The following SLC2A1 variants were observed in gnomAD, a reference collection of about 807,000 sequenced individuals.
SLC2A1 encodes the protein solute carrier family 2 member 1.
Under a neutral mutation model 46.6 loss-of-function variants are expected in SLC2A1, and 4 were observed. The ratio of observed to expected loss-of-function variants is 0.09; its 90% CI spans 0.04 to 0.20. SLC2A1 has a LOEUF of 0.20. Ranked by LOEUF, SLC2A1 falls within the 10% of genes least tolerant of loss-of-function variation. SLC2A1 has a pLI of 1.00. For synonymous variants in SLC2A1, 253 were observed against 270.0 expected (o/e 0.94, Z 0.62); for missense variants, 352 against 667.0 (o/e 0.53, Z 5.20).
In SLC2A1 at chr1:42,929,142, C is replaced by A; in HGVS notation, c.972+68G>T. ...AGAAAGTCACAGGGCACTGCAAAGA[C>A]CAGTGGGGAAGATGGCACTGCCTCC... is the stretch of plus-strand genomic sequence containing the variant. On this transcript the variant is annotated intron_variant, in intron 7 of 9. Coordinates refer to ENST00000426263, the MANE Select transcript of SLC2A1 (RefSeq NM_006516.4). This position sits in a 1 kb window ranked among gnomAD's most constrained non-coding sequence, Gnocchi z 6.0. The A allele has an allele frequency of 6.4e-7, 1 of 1,555,488 alleles. No individual in the cohort carries two copies.
chr1:42,942,443 T>C (rs1643607199), intron 2 of SLC2A1, among the ~76,000 whole-genome samples: 1 of 151,650 alleles, frequency 6.6e-6, no homozygotes, highest in African/African-American at 2.4e-5. Context: ...TCCTCCTTAA[T>C]GCAAGTAGGC....
intron 1 of SLC2A1, chr1:42,952,014 G>A (rs1643726603): frequency 2.4e-6 from 1 of 418,460 alleles, no homozygotes; most frequent in Non-Finnish European, 4.2e-6. Flanking sequence ...ACTGGTCAGG[G>A]GGCCAGGATG....
At chr1:42,956,688 G>T (rs1226752970) in intron 1 of SLC2A1, among the ~76,000 whole-genome samples, 3 of 152,206 alleles carry the variant, frequency 2.0e-5, no homozygotes, top group Non-Finnish European at 4.4e-5. Flanking sequence ...TGGAAAACTT[G>T]GAGAACACTC....
intron 2 of SLC2A1, among the ~76,000 whole-genome samples, chr1:42,938,476 C>T (rs1328243352): frequency 6.6e-6 from 1 of 152,172 alleles, no homozygotes; most frequent in Non-Finnish European, 1.5e-5. Flanking sequence ...GCTTTGTAAA[C>T]ATATAAGGTA....
chr1:42,953,189 C>T (rs1570607534), intron 1 of SLC2A1, among the ~76,000 whole-genome samples: 1 of 152,378 alleles, frequency 6.6e-6, no homozygotes, highest in East Asian at 1.9e-4. Flanking sequence ...CTGGCAAGAG[C>T]TCTCTCCCAT....
At chr1:42,928,862 A>T in intron 8 of SLC2A1, 70 bp downstream of exon 8, 1 of 1,367,272 alleles carries the variant, frequency 7.3e-7, no homozygotes. Flanking sequence ...GGGCTGAGAC[A>T]GGCATTTTGG....
chr1:42,957,494 C>G (rs1396004777), intron 1 of SLC2A1, among the ~76,000 whole-genome samples: 2 of 152,136 alleles, frequency 1.3e-5, no homozygotes, highest in East Asian at 1.9e-4. Context: ...GCTAAGAAAA[C>G]AAGGGCCATC....
At chr1:42,943,408 C>T in intron 1 of SLC2A1, 87 bp from the exon 2 acceptor site, 1 of 982,486 alleles carries the variant, frequency 1.0e-6, no homozygotes, top group Non-Finnish European at 1.6e-6. Flanking sequence ...TTTCTGTGTT[C>T]AGATATCTTG....
intron 2 of SLC2A1, among the ~76,000 whole-genome samples, chr1:42,935,194 A>G (rs1643530074): frequency 6.6e-6 from 1 of 152,088 alleles, no homozygotes; most frequent in South Asian, 2.1e-4. Flanking sequence ...TGCCTCACTG[A>G]GCCTAGAGGA....
intron 1 of SLC2A1, among the ~76,000 whole-genome samples, chr1:42,955,140 C>T (rs1218510808): frequency 6.6e-6 from 1 of 152,158 alleles, no homozygotes; most frequent in Non-Finnish European, 1.5e-5. Context: ...AGGCCAAGGC[C>T]CAGGTACAAG....
In SLC2A1 at chr1:42,929,044, A is replaced by G; in HGVS notation, c.973-11T>C. The G allele has an allele frequency of 6.2e-7, 1 of 1,611,094 alleles. No individual in the cohort carries two copies. Among genetic ancestry groups the G allele is most frequent in the Non-Finnish European group, 8.5e-7 (1 of 1,178,242 alleles). ...CTCCACCACAAACAGCTGTGGGCAGAGACAGTGTCAGTGCCACCCCTGCCT... is the reference window on the plus strand; with the variant it reads ...CTCCACCACAAACAGCTGTGGGCAGGGACAGTGTCAGTGCCACCCCTGCCT... On this transcript the variant is annotated splice_polypyrimidine_tract_variant and intron_variant, in intron 7 of 9. Coordinates refer to ENST00000426263, the MANE Select transcript of SLC2A1 (RefSeq NM_006516.4). This position sits in a 1 kb window ranked among gnomAD's most constrained non-coding sequence, Gnocchi z 6.0.
chr1:42,941,482 C>T (rs1299362590), intron 2 of SLC2A1, among the ~76,000 whole-genome samples: 1 of 152,222 alleles, frequency 6.6e-6, no homozygotes, highest in African/African-American at 2.4e-5. Flanking sequence ...CACCCCAACC[C>T]TGTTCTGTTT....
chr1:42,942,580 G>C (rs940560584), intron 2 of SLC2A1, among the ~76,000 whole-genome samples: 1 of 151,532 alleles, frequency 6.6e-6, no homozygotes, highest in Non-Finnish European at 1.5e-5. Flanking sequence ...TGGCTCCCTA[G>C]GGCAAGACGC....
chr1:42,931,292 G>A, intron 2 of SLC2A1, 86 bp from the exon 3 acceptor site: 1 of 1,380,654 alleles, frequency 7.2e-7, no homozygotes, highest in Non-Finnish European at 1.0e-6. Context: ...CCCTCCCTAA[G>A]AGAGGGCCAG....
chr1:42,942,253 A>G (rs1643605620), intron 2 of SLC2A1, among the ~76,000 whole-genome samples: 1 of 152,216 alleles, frequency 6.6e-6, no homozygotes, highest in Non-Finnish European at 1.5e-5. Flanking sequence ...CCAGCATTCA[A>G]TAGCTTTGTG....
At chr1:42,958,238 G>A (rs1643800520) in intron 1 of SLC2A1, among the ~76,000 whole-genome samples, 2 of 151,456 alleles carry the variant, frequency 1.3e-5, no homozygotes. Context: ...TGGGCGCCGC[G>A]CTCGGGCCCC....
intron 1 of SLC2A1, among the ~76,000 whole-genome samples, chr1:42,944,426 G>C (rs1257906188): frequency 1.3e-5 from 2 of 152,188 alleles, no homozygotes; most frequent in Non-Finnish European, 2.9e-5. Context: ...GCATGCCAAA[G>C]AAACGACTGG....
chr1:42,936,463 C>A (rs1293419448), intron 2 of SLC2A1, among the ~76,000 whole-genome samples: 1 of 152,194 alleles, frequency 6.6e-6, no homozygotes, highest in East Asian at 1.9e-4. Context: ...GAGATTGGAG[C>A]CAGATGTTCC....
chr1:42,949,617 G>T (rs2297977), intron 1 of SLC2A1, among the ~76,000 whole-genome samples: 34,986 of 152,114 alleles, frequency 0.23, 4,151 homozygotes, highest in Middle Eastern at 0.27. Context: ...TGCCCTCGAG[G>T]CAGAAGGCAC....
Sources: allele counts gnomAD v4.1 joint callset (sites outside exome capture counted in the v4.1 genomes callset), GRCh38; gene constraint gnomAD v4.1.1; non-coding constraint Gnocchi (gnomAD v3.1); transcripts MANE v1.5; gene names NCBI Gene and HGNC (gene_info 2026-07-23, HGNC 2026-07-21).